The following ZNF829 variants were observed in gnomAD, a reference collection of about 807,000 sequenced individuals.
ZNF829 encodes zinc finger protein 829.
ZNF829 carries 25 observed loss-of-function variants against 35.2 expected under a neutral mutation model. The ratio of observed to expected loss-of-function variants is 0.71; its 90% CI spans 0.52 to 0.99. The LOEUF is 0.99. ZNF829 is among the 50% of genes least tolerant of loss of function. ZNF829 has a pLI of 0.00. For synonymous variants in ZNF829, 136 were observed against 163.2 expected (o/e 0.83, Z 1.27); for missense variants, 417 against 515.3 (o/e 0.81, Z 1.85).
chr19:36,907,787 T>C, intron 5 of ZNF829, 142 bp downstream of exon 5: 1 of 620,826 alleles, frequency 1.6e-6, no homozygotes, highest in Non-Finnish European at 2.8e-6. Flanking sequence ...TATATTGGAC[T>C]AGGGAAAAAG....
At chr19:36,902,677 T>TAAAATAAAATAAAATA (rs1568370161) in intron 5 of ZNF829, among the ~76,000 whole-genome samples, 35 of 125,520 alleles carry the variant, frequency 2.8e-4, no homozygotes, top group African/African-American at 1.1e-3. Flanking sequence ...AATAAAATAA[T>TAAAATAAAATAAAATA]AAAAACTATA....
rs2073015924 is a variant in ZNF829, at chr19:36,888,249, A to C, written c.*3243T>G. 1 of 152,186 alleles carries C rather than the reference A, an allele frequency of 6.6e-6. No homozygotes were observed. The highest frequency in any genetic ancestry group is 6.5e-5 in the Admixed American group (1 of 15,282). The allele number at this position is 152,186 out of a possible 1,614,324, so 9.4% of individuals were successfully genotyped here. On this transcript the variant is annotated 3_prime_UTR_variant, in exon 6 of 6. Transcript: ENST00000391711. ...AAATTGTGCTGTCTTGTTTGATCAA[A>C]AGTTTGATAAAACATTTAATAGTAT...
In ZNF829 at chr19:36,891,901, T is replaced by G; in HGVS notation, c.890A>C (p.Glu297Ala). ...LRIHTGEKPYECKECGKAFTQ... is the reference protein window; with the variant it reads ...LRIHTGEKPYACKECGKAFTQ... ...AAAGGCTTTCCCACATTCTTTACAT[T>G]CATAAGGTTTCTCACCAGTATGAAT... The change falls in exon 6 of 6, where the codon GAA (glutamate) becomes GCA (alanine). Residue 297 changes from glutamate (E) to alanine (A), a missense_variant. Glu to Ala is a moderately radical substitution (Grantham distance 107). Coordinates refer to ENST00000391711, the MANE Select transcript of ZNF829 (RefSeq NM_001037232.4). 2 of 1,614,120 alleles carry G rather than the reference T, an allele frequency of 1.2e-6. No individual in the cohort carries two copies. The highest frequency in any genetic ancestry group is 1.7e-6 in the Non-Finnish European group (2 of 1,180,006).
At chr19:36,907,800 T>C (rs1474122716) in intron 5 of ZNF829, 129 bp downstream of exon 5, 1 of 677,118 alleles carries the variant, frequency 1.5e-6, no homozygotes, top group South Asian at 1.9e-5. Flanking sequence ...GGAAAAAGTA[T>C]GAGAAAAAAA....
At chr19:36,896,387 G>A (rs945137831) in intron 5 of ZNF829, among the ~76,000 whole-genome samples, 1 of 152,140 alleles carries the variant, frequency 6.6e-6, no homozygotes, top group Non-Finnish European at 1.5e-5. Context: ...GGAGGCTGAG[G>A]CAGGAGAATT....
At chr19:36,915,975 C>T in intron 1 of ZNF829, 36 bp downstream of exon 1, 1 of 1,515,582 alleles carries the variant, frequency 6.6e-7, no homozygotes, top group Non-Finnish European at 8.8e-7. Flanking sequence ...AACTTGCAGA[C>T]CTGAGCCAGT....
chr19:36,915,500 C>A (rs2073310710), intron 1 of ZNF829, among the ~76,000 whole-genome samples: 1 of 152,016 alleles, frequency 6.6e-6, no homozygotes, highest in Admixed American at 6.6e-5. Flanking sequence ...CACGGGAACA[C>A]ACAGCCACAA....
At chr19:36,897,551 CAT>C (rs2073124389) in intron 5 of ZNF829, among the ~76,000 whole-genome samples, 2 of 152,086 alleles carry the variant, frequency 1.3e-5, no homozygotes. Context: ...AAAAACATAA[CAT>C]AATAAAGACC....
rs76856236 is a variant in ZNF829, at chr19:36,908,455, G to A, written c.101C>T (p.Pro34Leu). The A allele has an allele frequency of 1.6e-5, 25 of 1,594,122 alleles. No homozygotes were observed. The highest frequency in any genetic ancestry group is 6.9e-5 in the South Asian group (6 of 87,418). Residue 34 changes from proline (P) to leucine (L), a missense_variant, in exon 4 of 6, where the codon CCG (proline) becomes CTG (leucine). Transcript: ENST00000391711. ...DELLQAVSKGPVMFRDVSIDF... is the reference protein window; with the variant it reads ...DELLQAVSKGLVMFRDVSIDF... ...TATGGAAACATCCCTGAACATCACC[G>A]GCCCCTGAAACAACAAACATGCTTT...
intron 5 of ZNF829, chr19:36,892,777 T>A (rs1210234639): frequency 2.1e-6 from 1 of 474,408 alleles, no homozygotes; most frequent in Non-Finnish European, 3.4e-6. Context: ...TATAGAGAGA[T>A]TCTAATTAAA....
Position 36,915,188 on chromosome 19 carries a change from CA to C in ZNF829, c.-22del. 1 of 1,613,976 alleles carries C rather than the reference CA, an allele frequency of 6.2e-7. No individual in the cohort carries two copies. The highest frequency in any genetic ancestry group is 8.5e-7 in the Non-Finnish European group (1 of 1,179,930). On this transcript the variant is annotated 5_prime_UTR_variant, in exon 2 of 6. Coordinates refer to ENST00000391711, the MANE Select transcript of ZNF829 (RefSeq NM_001037232.4). ...GGCATTCTGTCCAATTCCAGTGGCT[CA>C]GGGGAAAGGTTGTGTTCACTGCTGT...
intron 5 of ZNF829, chr19:36,905,506 C>CGA (rs1257701867): frequency 6.7e-6 from 1 of 150,040 alleles, no homozygotes; most frequent in African/African-American, 2.5e-5. Flanking sequence ...GGTGTGATCT[C>CGA]GGCTCACTGC....
intron 5 of ZNF829, 168 bp downstream of exon 5, chr19:36,907,761 C>A: frequency 3.7e-6 from 2 of 538,074 alleles, no homozygotes; most frequent in Non-Finnish European, 3.3e-6. Context: ...ATAATTGTAG[C>A]CAGGGAGGTA....
At chr19:36,907,176 CT>C (rs2073225447) in intron 5 of ZNF829, 1 of 142,996 alleles carries the variant, frequency 7.0e-6, no homozygotes, top group Non-Finnish European at 1.5e-5. Context: ...TAAGAATGAA[CT>C]AACACCAGAT....
At chr19:36,907,526 C>G (rs959701333) in intron 5 of ZNF829, 1 of 173,336 alleles carries the variant, frequency 5.8e-6, no homozygotes, top group African/African-American at 2.4e-5. Context: ...AAGAAATAAT[C>G]AAATGTTTGA....
intron 3 of ZNF829, among the ~76,000 whole-genome samples, chr19:36,910,777 G>A (rs762025573): frequency 2.6e-5 from 4 of 152,072 alleles, no homozygotes; most frequent in African/African-American, 4.8e-5. Context: ...GAAGCCAAGG[G>A]GGGTGGATCA....
rs764645282 is a variant in ZNF829 at position 36,915,203 on chromosome 19, G to A, written c.-36C>T. 8 of 1,614,040 alleles carry A rather than the reference G, an allele frequency of 5.0e-6. No individual in the cohort carries two copies. The highest frequency in any genetic ancestry group is 6.8e-6 in the Non-Finnish European group (8 of 1,180,038). On this transcript the variant is annotated 5_prime_UTR_variant, in exon 2 of 6. Coordinates refer to ENST00000391711, the MANE Select transcript of ZNF829 (RefSeq NM_001037232.4). ...TCCAGTGGCTCAGGGGAAAGGTTGT[G>A]TTCACTGCTGTCCAGGGTTGGAATC...
At chr19:36,906,825 G>A (rs2073219552) in intron 5 of ZNF829, 2 of 151,964 alleles carry the variant, frequency 1.3e-5, no homozygotes, top group South Asian at 4.1e-4. Flanking sequence ...AGTGGGTTAC[G>A]CCTGTAATCC....
At chr19:36,902,504 G>A (rs1389767372) in intron 5 of ZNF829, among the ~76,000 whole-genome samples, 2 of 151,950 alleles carry the variant, frequency 1.3e-5, no homozygotes, top group African/African-American at 2.4e-5. Context: ...TCATGGTGCC[G>A]TGCACCTGTA....
Sources: allele counts gnomAD v4.1 joint callset (sites outside exome capture counted in the v4.1 genomes callset), GRCh38; gene constraint gnomAD v4.1.1; transcripts MANE v1.5; gene names NCBI Gene and HGNC (gene_info 2026-07-23, HGNC 2026-07-21).